Variants in IGF1R observed in about 807,000 individuals in gnomAD.
IGF1R encodes the protein insulin-like growth factor 1 receptor.
In IGF1R, 44 loss-of-function variants were observed where a neutral mutation model predicts 144.6. The observed-to-expected ratio is 0.30, with a 90% CI of 0.24 to 0.39. IGF1R has a LOEUF of 0.39. Ranked by LOEUF, IGF1R falls within the 10% of genes least tolerant of loss-of-function variation. IGF1R has a pLI of 1.00. For synonymous variants in IGF1R, 795 were observed against 722.8 expected (o/e 1.10, Z -1.60); for missense variants, 1,355 against 1,833.7 (o/e 0.74, Z 4.77).
chr15:98,924,745 G>C, intron 13 of IGF1R, 61 bp downstream of exon 13: 1 of 1,449,022 alleles, frequency 6.9e-7, no homozygotes, highest in East Asian at 2.3e-5. Context: ...TCCAGGATCA[G>C]GACAGCCCGA....
chr15:98,669,402 G>A (rs1194791084), intron 1 of IGF1R, among the ~76,000 whole-genome samples: 3 of 152,132 alleles, frequency 2.0e-5, no homozygotes, highest in Admixed American at 2.0e-4. Flanking sequence ...TTATTTTCAG[G>A]GAACTAGTGA....
chr15:98,743,747 G>C (rs750996844), intron 2 of IGF1R, among the ~76,000 whole-genome samples: 5 of 152,188 alleles, frequency 3.3e-5, no homozygotes, highest in Admixed American at 6.5e-5. Flanking sequence ...CCTGGCCACA[G>C]TGTAAAGAAT....
intron 2 of IGF1R, among the ~76,000 whole-genome samples, chr15:98,870,822 A>T (rs1379910967): frequency 6.6e-6 from 1 of 152,178 alleles, no homozygotes; most frequent in Non-Finnish European, 1.5e-5. Flanking sequence ...TGGGCAATGT[A>T]CTCCTGACAT....
At chr15:98,834,343 G>T (rs2057055687) in intron 2 of IGF1R, among the ~76,000 whole-genome samples, 1 of 152,182 alleles carries the variant, frequency 6.6e-6, no homozygotes. Flanking sequence ...TGTCATCTTT[G>T]TTTACAGGGA....
chr15:98,686,601 T>G (rs897299991), intron 1 of IGF1R, among the ~76,000 whole-genome samples: 1 of 152,220 alleles, frequency 6.6e-6, no homozygotes, highest in Admixed American at 6.5e-5. Flanking sequence ...TTCTAATGGA[T>G]GTGAGGTGGT....
At position 98,935,381 on chromosome 15, in the gene IGF1R, G is replaced by T; in HGVS notation, c.3252G>T (p.Arg1084=). The T allele has an allele frequency of 1.3e-6, 2 of 1,551,566 alleles. No homozygotes were observed. The highest frequency in any genetic ancestry group is 1.7e-6 in the Non-Finnish European group (2 of 1,146,900). The change falls in exon 17 of 21, where the codon CGG becomes CGT. Residue 1084 remains arginine (R), a synonymous_variant. Coordinates refer to ENST00000650285, the MANE Select transcript of IGF1R (RefSeq NM_000875.5). This position sits in a 1 kb window ranked among gnomAD's most constrained non-coding sequence, Gnocchi z 4.2. ...PTLVIMELMT[R]GDLKSYLRSL... ...TGGTCATCATGGAACTGATGACACG[G>T]GGCGATCTCAAAAGTTATCTCCGGT... is the stretch of plus-strand genomic sequence containing the variant.
chr15:98,773,605 A>G (rs1378622780), intron 2 of IGF1R, among the ~76,000 whole-genome samples: 1 of 152,174 alleles, frequency 6.6e-6, no homozygotes, highest in Admixed American at 6.5e-5. Context: ...ACTGCATAGC[A>G]GCCACACATT....
intron 1 of IGF1R, among the ~76,000 whole-genome samples, chr15:98,682,995 C>T (rs1183611985): frequency 6.6e-6 from 1 of 150,830 alleles, no homozygotes; most frequent in Non-Finnish European, 1.5e-5. Context: ...TATCAGTGAC[C>T]TCCCCATGTC....
chr15:98,758,742 C>G (rs979334661), intron 2 of IGF1R, among the ~76,000 whole-genome samples: 7 of 152,226 alleles, frequency 4.6e-5, no homozygotes, highest in Admixed American at 4.6e-4. Flanking sequence ...GGCCCTCACT[C>G]TCATCCCATG....
intron 1 of IGF1R, among the ~76,000 whole-genome samples, chr15:98,674,325 T>G (rs2141202230): frequency 6.6e-6 from 1 of 152,326 alleles, no homozygotes; most frequent in Non-Finnish European, 1.5e-5. Flanking sequence ...GCCTGCTACC[T>G]GCACATGGTG....
rs192859794 is a variant in IGF1R, at chr15:98,963,779, G to A, written c.*6337G>A. 2.6e-5 allele frequency: 6 copies of A among 232,848 alleles called. No homozygotes were observed. The highest frequency in any genetic ancestry group is 1.8e-4 in the South Asian group (1 of 5,518). 14.4% of individuals were successfully genotyped at this position (232,848 alleles called of 1,614,324 possible). ...ATTTAAGGCAGAACCCCGAAGATAC[G>A]TATTTCCAATACAGAAAAGAATTTT... On this transcript the variant is annotated 3_prime_UTR_variant, in exon 21 of 21. Coordinates refer to ENST00000650285, the MANE Select transcript of IGF1R (RefSeq NM_000875.5).
chr15:98,708,136 C>T lies in IGF1R; in HGVS notation c.640+29C>T, dbSNP rs1346658512. 10 of 1,570,152 alleles carry T rather than the reference C, an allele frequency of 6.4e-6. 1 individual carries two copies. The highest frequency in any genetic ancestry group is 1.3e-5 in the African/African-American group (1 of 74,238). On this transcript the variant is annotated intron_variant, in intron 2 of 20. Coordinates refer to ENST00000650285, the MANE Select transcript of IGF1R (RefSeq NM_000875.5). ...AGAATGATGCTGACTGCTGCTTTCT[C>T]TCTGCCTCTCTCTCTCCTCTCCTCC...
chr15:98,936,198 C>T (rs2056381), intron 17 of IGF1R, among the ~76,000 whole-genome samples: 10,343 of 152,246 alleles, frequency 0.068, 1,179 homozygotes, highest in African/African-American at 0.23. Flanking sequence ...GTCCTGCTTA[C>T]GCTTTTGAAT....
chr15:98,899,702 A>T (rs1350086543), intron 5 of IGF1R, 81 bp downstream of exon 5: 29 of 1,386,664 alleles, frequency 2.1e-5, no homozygotes, highest in Admixed American at 3.4e-5. Context: ...CTGAGGTAAG[A>T]GCCCTCCCTG....
At chr15:98,800,832 G>T (rs779498724) in intron 2 of IGF1R, among the ~76,000 whole-genome samples, 4 of 152,210 alleles carry the variant, frequency 2.6e-5, no homozygotes, top group East Asian at 1.9e-4. Context: ...GGCCCAGAAG[G>T]GGGAGGAGAG....
At chr15:98,757,205 A>G (rs557601353) in intron 2 of IGF1R, among the ~76,000 whole-genome samples, 93 of 152,068 alleles carry the variant, frequency 6.1e-4, no homozygotes, top group Non-Finnish European at 1.1e-3. Flanking sequence ...TCTGTCGCCC[A>G]GGCTGTGTAG....
intron 17 of IGF1R, among the ~76,000 whole-genome samples, chr15:98,937,347 T>C (rs1467197960): frequency 6.6e-6 from 1 of 152,122 alleles, no homozygotes; most frequent in Admixed American, 6.5e-5. Context: ...AGAATAAAAA[T>C]TCAGAACACA....
At chr15:98,851,589 A>T (rs1389061830) in intron 2 of IGF1R, among the ~76,000 whole-genome samples, 1 of 152,154 alleles carries the variant, frequency 6.6e-6, no homozygotes, top group African/African-American at 2.4e-5. Context: ...TGAGGTGATT[A>T]TGCATCTAGA....
intron 2 of IGF1R, among the ~76,000 whole-genome samples, chr15:98,762,950 G>A (rs575945141): frequency 4.0e-5 from 6 of 151,502 alleles, no homozygotes; most frequent in African/African-American, 9.7e-5. Flanking sequence ...GGAGGCTGAC[G>A]CAGGAGAATT....
Sources: allele counts gnomAD v4.1 joint callset (sites outside exome capture counted in the v4.1 genomes callset), GRCh38; gene constraint gnomAD v4.1.1; non-coding constraint Gnocchi (gnomAD v3.1); transcripts MANE v1.5; gene names NCBI Gene and HGNC (gene_info 2026-07-23, HGNC 2026-07-21).